TRIP11: variants seen among roughly 807,000 people sequenced by gnomAD.
TRIP11 encodes thyroid receptor-interacting protein 11.
A neutral mutation model predicts 223.1 loss-of-function variants in TRIP11; 148 were observed. The observed-to-expected ratio is 0.66, with a 90% confidence interval of 0.58 to 0.76. The LOEUF is 0.76. Among genes scored for constraint, TRIP11 ranks in the 30% least tolerant of loss-of-function variants. The pLI, the probability that TRIP11 is intolerant of heterozygous loss-of-function variation, is 0.00. For missense variants in TRIP11, 2,043 were observed against 2,222.0 expected (o/e 0.92, Z 1.62); for synonymous variants, 762 against 772.6 (o/e 0.99, Z 0.23).
At chr14:91,969,962 G>A (rs1167421857) in intron 20 of TRIP11, 69 bp from the exon 21 acceptor site, 1 of 1,396,108 alleles carries the variant, frequency 7.2e-7, no homozygotes, top group Non-Finnish European at 9.9e-7. Context: ...AACTCTGAAT[G>A]TAATAGCATA....
rs538903662 is a variant in TRIP11, at chr14:92,037,878, C to A, written c.139+1669G>T. Among the ~76,000 whole-genome samples, 1 of 152,238 alleles carries A rather than the reference C, an allele frequency of 6.6e-6. No individual in the cohort carries two copies. The highest frequency in any genetic ancestry group is 1.5e-5 in the Non-Finnish European group (1 of 68,016). ...CAACAGAGTGAGACTCAGTCCAAAA[C>A]TAAGAGGTTTGGATTTTATTCTGTA... On this transcript the variant is annotated intron_variant, in intron 1 of 20. Transcript: ENST00000267622. This position sits in a 1 kb window ranked among gnomAD's most constrained non-coding sequence, Gnocchi z 4.2.
chr14:91,988,882 A>G (rs1340584877), intron 15 of TRIP11, among the ~76,000 whole-genome samples: 1 of 152,154 alleles, frequency 6.6e-6, no homozygotes, highest in Non-Finnish European at 1.5e-5. Flanking sequence ...ACATTGCCCA[A>G]GATTCTACTG....
intron 16 of TRIP11, among the ~76,000 whole-genome samples, chr14:91,980,190 C>T (rs939845664): frequency 6.6e-6 from 1 of 152,140 alleles, no homozygotes; most frequent in Admixed American, 6.5e-5. Flanking sequence ...TAATTGATTG[C>T]AACAAATTGG....
chr14:91,972,141 T>C (rs10144154), intron 20 of TRIP11, among the ~76,000 whole-genome samples: 5,514 of 152,290 alleles, frequency 0.036, 321 homozygotes, highest in African/African-American at 0.12. Flanking sequence ...GAAAAATATG[T>C]ACACGTTAAC....
At chr14:92,011,816 C>T (rs891560275) in intron 7 of TRIP11, 21 bp from the exon 8 acceptor site, 13 of 1,608,368 alleles carry the variant, frequency 8.1e-6, no homozygotes, top group Middle Eastern at 1.7e-4. Context: ...AGCAAATGAA[C>T]TTGACATTAA....
Position 92,003,836 on chromosome 14 carries a change from G to A in TRIP11, c.4140C>T (p.Thr1380=), listed in dbSNP as rs764516601. ...CGTGTTCTTTTCTTTCTAGCTCTGAGGTGGCAGCAATCGAATCAGACAATC... is the reference window on the plus strand; with the variant it reads ...CGTGTTCTTTTCTTTCTAGCTCTGAAGTGGCAGCAATCGAATCAGACAATC... ...NHRLSDSIAA[T]SELERKEHEQ... is the part of the protein sequence containing the mutation. The change falls in exon 11 of 21, where the codon ACC becomes ACT. Residue 1380 remains threonine, a synonymous_variant. Transcript: ENST00000267622. The A allele has an allele frequency of 1.9e-6, 3 of 1,614,048 alleles. No individual in the cohort carries two copies. The highest frequency in any genetic ancestry group is 2.2e-5 in the South Asian group (2 of 91,082).
chr14:92,006,078 T>C lies in TRIP11; in HGVS notation c.1898A>G (p.Gln633Arg), dbSNP rs954935121. The part of the protein sequence containing the change: ...IRNELMQSLN[Q>R]DSNSNFKDTL... ...ATCCTTAAAATTACTATTAGAGTCT[T>C]GATTTAGAGACTGCATTAACTCATT... Residue 633 changes from glutamine to arginine, a missense_variant, in exon 11 of 21, where the codon CAA becomes CGA. By Grantham distance (43) the Gln-to-Arg change is conservative. Transcript: ENST00000267622. 6.3e-7 allele frequency: 1 copy of C among 1,586,822 alleles called. No homozygotes were observed. Among genetic ancestry groups the C allele is most frequent in the Non-Finnish European group, 8.5e-7 (1 of 1,171,052 alleles).
chr14:91,993,805 C>T lies in TRIP11; in HGVS notation c.5160+4G>A. 1.2e-6 allele frequency: 2 copies of T among 1,606,590 alleles called. No homozygotes were observed. Among genetic ancestry groups the T allele is most frequent in the Non-Finnish European group, 1.7e-6 (2 of 1,173,624 alleles). ...ACCTACAAGAGAAAACTATTTTGTC[C>T]TACCTGTAATGATATCACTTTTCCT... On this transcript the variant is annotated splice_donor_region_variant and intron_variant, in intron 15 of 20. Transcript: ENST00000267622.
intron 3 of TRIP11, 62 bp from the exon 4 acceptor site, chr14:92,021,893 T>C (rs2057120322): frequency 1.3e-6 from 2 of 1,555,806 alleles, no homozygotes; most frequent in South Asian, 2.2e-5. Flanking sequence ...TGACTTTTTA[T>C]AGATTTGTAT....
chr14:92,002,147 C>T (rs558328578), intron 11 of TRIP11, among the ~76,000 whole-genome samples: 62 of 152,164 alleles, frequency 4.1e-4, no homozygotes, highest in Non-Finnish European at 7.9e-4. Flanking sequence ...CTAAACAAAC[C>T]CTACACAGCA....
chr14:91,986,676 C>T (rs538258822), intron 16 of TRIP11, among the ~76,000 whole-genome samples: 1 of 152,286 alleles, frequency 6.6e-6, no homozygotes, highest in South Asian at 2.1e-4. Flanking sequence ...AAGCAATGAG[C>T]TGGTTCACAA....
chr14:92,036,411 AATAGGT>A (rs1282525078), intron 1 of TRIP11, among the ~76,000 whole-genome samples: 4 of 152,178 alleles, frequency 2.6e-5, no homozygotes, highest in Non-Finnish European at 4.4e-5. Flanking sequence ...TCAACCTCAC[AATAGGT>A]ATGATTATCC....
chr14:92,034,424 C>CAAAAAAAAAAAAAAAAAAAAAA, intron 1 of TRIP11, among the ~76,000 whole-genome samples: 1 of 133,384 alleles, frequency 7.5e-6, no homozygotes, highest in Admixed American at 7.6e-5. Flanking sequence ...CTCTTGTCTC[C>CAAAAAAAAAAAAAAAAAAAAAA]AAAAAAAAAA....
At chr14:92,012,297 A>G (rs1299682988) in intron 7 of TRIP11, among the ~76,000 whole-genome samples, 1 of 152,230 alleles carries the variant, frequency 6.6e-6, no homozygotes, top group Non-Finnish European at 1.5e-5. Flanking sequence ...ATCTATAAAA[A>G]GAAGAGGGTA....
At chr14:92,012,087 T>C (rs78280835) in intron 7 of TRIP11, among the ~76,000 whole-genome samples, 58 of 152,318 alleles carry the variant, frequency 3.8e-4, no homozygotes, top group African/African-American at 1.3e-3. Flanking sequence ...AAAATGCTAA[T>C]GACAACCAGG....
intron 9 of TRIP11, among the ~76,000 whole-genome samples, chr14:92,010,470 C>T (rs1355728045): frequency 1.3e-5 from 2 of 151,880 alleles, no homozygotes; most frequent in Non-Finnish European, 2.9e-5. Flanking sequence ...GCGGAGGTTG[C>T]GGTGACCCGA....
chr14:92,013,452 CTAAT>C (rs1358890987), intron 7 of TRIP11, among the ~76,000 whole-genome samples: 1 of 152,136 alleles, frequency 6.6e-6, no homozygotes, highest in African/African-American at 2.4e-5. Flanking sequence ...CCAAGGTCAG[CTAAT>C]TAGTGATAGA....
chr14:92,030,958 A>G (rs2057257445), intron 2 of TRIP11, among the ~76,000 whole-genome samples: 1 of 144,074 alleles, frequency 6.9e-6, no homozygotes, highest in African/African-American at 2.7e-5. Context: ...TAATGACACA[A>G]TCAAGAACCA....
At chr14:91,991,070 T>C (rs1247694327) in intron 15 of TRIP11, among the ~76,000 whole-genome samples, 5 of 152,162 alleles carry the variant, frequency 3.3e-5, no homozygotes, top group Admixed American at 6.5e-5. Flanking sequence ...CACAAGTTCA[T>C]TTGCTGAAAA....
Sources: allele counts gnomAD v4.1 joint callset (sites outside exome capture counted in the v4.1 genomes callset), GRCh38; gene constraint gnomAD v4.1.1; non-coding constraint Gnocchi (gnomAD v3.1); transcripts MANE v1.5; gene names NCBI Gene and HGNC (gene_info 2026-07-23, HGNC 2026-07-21).